LRIG1: variants seen among roughly 807,000 people sequenced by gnomAD.
LRIG1 encodes leucine-rich repeats and immunoglobulin-like domains protein 1.
Under a neutral mutation model 99.2 loss-of-function variants are expected in LRIG1, and 48 were observed. The observed-to-expected ratio is 0.48, with a 90% confidence interval of 0.38 to 0.62. The LOEUF (loss-of-function observed/expected upper bound fraction) is 0.62. Ranked by LOEUF, LRIG1 falls within the 20% of genes least tolerant of loss-of-function variation. The probability of loss-of-function intolerance (pLI) is 0.00; values close to 1 mark genes in which losing one functional copy is unlikely to be tolerated. For synonymous variants in LRIG1, 772 were observed against 596.1 expected (o/e 1.29, Z -4.30); for missense variants, 1,646 against 1,434.4 (o/e 1.15, Z -2.38).
intron 1 of LRIG1, among the ~76,000 whole-genome samples, chr3:66,480,233 A>G (rs1434568194): frequency 1.3e-5 from 2 of 152,226 alleles, no homozygotes; most frequent in Non-Finnish European, 2.9e-5. Context: ...GCATGATTCT[A>G]TTTATATGAA....
chr3:66,441,475 G>C (rs964065587), intron 3 of LRIG1, among the ~76,000 whole-genome samples: 29 of 152,256 alleles, frequency 1.9e-4, no homozygotes, highest in Admixed American at 4.6e-4. Context: ...GAGAGAGAGA[G>C]ACAGGGAAAG....
chr3:66,398,774 C>T (rs767559472), intron 10 of LRIG1, among the ~76,000 whole-genome samples, 196 bp downstream of exon 10: 1 of 152,216 alleles, frequency 6.6e-6, no homozygotes, highest in African/African-American at 2.4e-5. Context: ...ATCCACTGGC[C>T]ATATGTTCTG....
chr3:66,421,561 C>T (rs1236021773), intron 3 of LRIG1, among the ~76,000 whole-genome samples: 8 of 152,244 alleles, frequency 5.3e-5, no homozygotes, highest in African/African-American at 1.9e-4. Flanking sequence ...ACCCCTATGG[C>T]TTTGCAGGGT....
At chr3:66,388,413 CAAGAAGGAG>C (rs1389464441) in intron 12 of LRIG1, among the ~76,000 whole-genome samples, 1 of 151,404 alleles carries the variant, frequency 6.6e-6, no homozygotes, top group East Asian at 1.9e-4. Context: ...CATGGGAGTC[CAAGAAGGAG>C]AAGAAAGAAA....
rs186857551 is a variant in LRIG1, at chr3:66,384,097, G to A, written c.1965C>T (p.Asp655=). Residue 655 remains aspartate (D), a synonymous_variant, in exon 14 of 19, where the codon GAC becomes GAT. Transcript: ENST00000273261. ...ERRMHVMPDD[D]VFFITDVKID... is the part of the protein sequence containing the mutation. ...TTTTCACATCAGTGATGAAAAACAC[G>A]TCGTCATCCGGCATGACATGCATGC... 27 of 1,614,154 alleles carry A rather than the reference G, an allele frequency of 1.7e-5. No individual in the cohort carries two copies. Among genetic ancestry groups the A allele is most frequent in the African/African-American group, 1.2e-4 (9 of 75,028 alleles).
At chr3:66,409,947 G>T in intron 7 of LRIG1, 182 bp downstream of exon 7, 1 of 549,952 alleles carries the variant, frequency 1.8e-6, no homozygotes, top group Non-Finnish European at 3.2e-6. Flanking sequence ...AGATGAGGAA[G>T]GGACTGGGGC....
At chr3:66,449,341 C>G (rs890444108) in intron 3 of LRIG1, among the ~76,000 whole-genome samples, 2 of 152,220 alleles carry the variant, frequency 1.3e-5, no homozygotes, top group African/African-American at 2.4e-5. Flanking sequence ...AGAGAAATCA[C>G]TGACCAAGTC....
At chr3:66,458,230 C>T (rs1364760368) in intron 2 of LRIG1, among the ~76,000 whole-genome samples, 1 of 152,090 alleles carries the variant, frequency 6.6e-6, no homozygotes, top group African/African-American at 2.4e-5. Flanking sequence ...ATCTTGAGGC[C>T]TCAGCCTCCC....
intron 3 of LRIG1, among the ~76,000 whole-genome samples, chr3:66,419,146 C>T (rs934452471): frequency 2.6e-5 from 4 of 152,104 alleles, no homozygotes; most frequent in South Asian, 2.1e-4. Context: ...ACAGAAGGGC[C>T]GGGCGCCACC....
At chr3:66,418,077 G>A (rs1443157245) in intron 3 of LRIG1, among the ~76,000 whole-genome samples, 1 of 148,162 alleles carries the variant, frequency 6.7e-6, no homozygotes, top group African/African-American at 2.5e-5. Context: ...TGTAACTTGT[G>A]TTTTTTTTTT....
intron 9 of LRIG1, among the ~76,000 whole-genome samples, chr3:66,403,995 A>G (rs1275607217): frequency 6.6e-6 from 1 of 152,212 alleles, no homozygotes; most frequent in Admixed American, 6.5e-5. Context: ...TGGGATAAAA[A>G]GGGGTCACGT....
chr3:66,479,535 G>T (rs554782547), intron 1 of LRIG1, among the ~76,000 whole-genome samples: 6 of 152,170 alleles, frequency 3.9e-5, no homozygotes, highest in Admixed American at 1.3e-4. Flanking sequence ...CCAACCAGGG[G>T]AATACCCCAA....
At position 66,379,991 on chromosome 3, in the gene LRIG1, C is replaced by G; in HGVS notation, c.*272G>C. ...ATAATTTTTTTCTGTTAACCATGCA[C>G]TAAAGATTAAAATAGCCTCTGTAAA... is the stretch of plus-strand genomic sequence containing the variant. On this transcript the variant is annotated 3_prime_UTR_variant, in exon 19 of 19. Coordinates refer to ENST00000273261, the MANE Select transcript of LRIG1 (RefSeq NM_015541.3). 3.7e-6 allele frequency: 1 copy of G among 270,522 alleles called. No homozygotes were observed. The highest frequency in any genetic ancestry group is 6.9e-6 in the Non-Finnish European group (1 of 144,200). 16.8% of individuals were successfully genotyped at this position (270,522 alleles called of 1,614,324 possible).
chr3:66,403,401 C>T (rs1472130122), intron 9 of LRIG1, among the ~76,000 whole-genome samples: 2 of 150,602 alleles, frequency 1.3e-5, no homozygotes, highest in Non-Finnish European at 1.5e-5. Context: ...CACCCTTTTT[C>T]AAACATACAC....
At position 66,380,682 on chromosome 3, in the gene LRIG1, C is replaced by A; in HGVS notation, c.2950G>T (p.Ala984Ser). ...TGGCACTCGGGGCAGGACCCAGCGGCAGTCCTGCTGCACTGGTGATGTGGA... is the reference window on the plus strand; with the variant it reads ...TGGCACTCGGGGCAGGACCCAGCGGAAGTCCTGCTGCACTGGTGATGTGGA... ...HSPHHQCSRT[A>S]AGSCPECQGS... The change falls in exon 18 of 19, where the codon GCC becomes TCC. Residue 984 changes from alanine to serine, a missense_variant. Physicochemically the swap from Ala to Ser is moderately conservative, Grantham distance 99 (BLOSUM62 1). Coordinates refer to ENST00000273261, the MANE Select transcript of LRIG1 (RefSeq NM_015541.3). The A allele has an allele frequency of 1.2e-6, 2 of 1,614,200 alleles. No individual in the cohort carries two copies. Among genetic ancestry groups the A allele is most frequent in the Non-Finnish European group, 1.7e-6 (2 of 1,180,030 alleles).
At chr3:66,479,310 C>G (rs9865489) in intron 1 of LRIG1, among the ~76,000 whole-genome samples, 3,799 of 152,342 alleles carry the variant, frequency 0.025, 153 homozygotes, top group African/African-American at 0.085. Flanking sequence ...TTCTCCCATT[C>G]TCCTAGGGAC....
At chr3:66,489,805 A>AT (rs1701061659) in intron 1 of LRIG1, among the ~76,000 whole-genome samples, 2 of 152,180 alleles carry the variant, frequency 1.3e-5, no homozygotes, top group African/African-American at 4.8e-5. Context: ...AGGCCCAGCC[A>AT]TGAGCTAGTT....
intron 3 of LRIG1, among the ~76,000 whole-genome samples, chr3:66,440,591 C>T (rs1036994308): frequency 5.6e-4 from 85 of 152,112 alleles, no homozygotes; most frequent in African/African-American, 1.8e-3. Context: ...CAATACCAGG[C>T]GGCCTCCAGG....
At chr3:66,470,602 T>A (rs1208981197) in intron 1 of LRIG1, among the ~76,000 whole-genome samples, 1 of 152,190 alleles carries the variant, frequency 6.6e-6, no homozygotes, top group Non-Finnish European at 1.5e-5. Context: ...TCAAGGGTTA[T>A]ATAAACCTTA....
Sources: gnomAD v4.1 joint callset for allele counts (sites outside exome capture counted in the v4.1 genomes callset) on GRCh38, gnomAD v4.1.1 for gene constraint, MANE v1.5 for transcripts, NCBI Gene and HGNC (gene_info 2026-07-23, HGNC 2026-07-21) for gene names.